Variants in MKLN1 observed in about 807,000 individuals in gnomAD.
MKLN1 encodes the protein muskelin 1, also known as muskelin.
MKLN1 carries 18 observed loss-of-function variants against 99.0 expected under a neutral mutation model. The ratio of observed to expected loss-of-function variants is 0.18; its 90% CI spans 0.13 to 0.27. The LOEUF is 0.27. MKLN1 is among the 10% of genes least tolerant of loss of function. The pLI is 1.00. For synonymous variants in MKLN1, 288 were observed against 293.2 expected, an observed-to-expected ratio of 0.98 and a Z score of 0.18; for missense variants, 621 against 875.9, an observed-to-expected ratio of 0.71 and a Z score of 3.67.
chr7:131,357,423 C>T (rs1438489726), intron 1 of MKLN1, among the ~76,000 whole-genome samples: 1 of 152,130 alleles, frequency 6.6e-6, no homozygotes, highest in Non-Finnish European at 1.5e-5. Context: ...CTTTTGCATA[C>T]TGTACTTTGG....
intron 3 of MKLN1, among the ~76,000 whole-genome samples, chr7:131,238,011 G>A (rs1430916926): frequency 6.6e-6 from 1 of 152,138 alleles, no homozygotes; most frequent in Non-Finnish European, 1.5e-5. Flanking sequence ...TCTGGGCATG[G>A]TGGTGGGTGC....
At chr7:131,213,116 C>T (rs1474325413) in intron 3 of MKLN1, among the ~76,000 whole-genome samples, 1 of 151,922 alleles carries the variant, frequency 6.6e-6, no homozygotes, top group Admixed American at 6.6e-5. Context: ...ATACGTGATT[C>T]CCATGCAACT....
intron 1 of MKLN1, among the ~76,000 whole-genome samples, chr7:131,348,671 A>G (rs904716378): frequency 5.3e-5 from 8 of 152,152 alleles, no homozygotes; most frequent in African/African-American, 1.9e-4. Context: ...TATTATGGGT[A>G]TGAGAGGAGA....
chr7:131,334,956 A>G (rs1799208939), intron 1 of MKLN1, among the ~76,000 whole-genome samples: 1 of 152,138 alleles, frequency 6.6e-6, no homozygotes, highest in Admixed American at 6.6e-5. Flanking sequence ...AAATTTATAA[A>G]ATTTCTAGGT....
At chr7:131,124,605 T>C (rs1023722545) in intron 1 of MKLN1, among the ~76,000 whole-genome samples, 3 of 152,184 alleles carry the variant, frequency 2.0e-5, no homozygotes, top group African/African-American at 7.2e-5. Flanking sequence ...CAGACATCTG[T>C]AGCTCCCTCC....
chr7:131,390,389 C>A (rs1340853072), intron 4 of MKLN1, among the ~76,000 whole-genome samples: 5 of 152,182 alleles, frequency 3.3e-5, no homozygotes, highest in South Asian at 4.2e-4. Flanking sequence ...TTCCTAAAGA[C>A]CTTTGCATAG....
At chr7:131,436,574 A>G (rs903892066) in intron 9 of MKLN1, among the ~76,000 whole-genome samples, 2 of 152,186 alleles carry the variant, frequency 1.3e-5, no homozygotes, top group Non-Finnish European at 2.9e-5. Flanking sequence ...TAGTTTTGTG[A>G]CGGTGGACTC....
intron 12 of MKLN1, among the ~76,000 whole-genome samples, chr7:131,448,256 A>C (rs1171232888): frequency 6.6e-6 from 1 of 152,170 alleles, no homozygotes; most frequent in South Asian, 2.1e-4. Context: ...GCAATGCGTG[A>C]TAGTGACAGA....
Position 131,327,988 on chromosome 7 carries a change from A to G in MKLN1, c.89A>G (p.Tyr30Cys), listed in dbSNP as rs1174005623. Residue 30 changes from tyrosine (Y) to cysteine (C), a missense_variant, in exon 1 of 18, where the codon TAC becomes TGC. Physicochemically the swap from Tyr to Cys is radical, Grantham distance 194. Coordinates refer to ENST00000352689, the MANE Select transcript of MKLN1 (RefSeq NM_013255.5). ...LHKWSSFSST[Y>C]LPENILVDKP... ...AAGTGGAGCTCCTTTTCCTCCACCT[A>G]CCTTCCCGAGTAAGTGCCGGGCCTT... The G allele has an allele frequency of 1.9e-6, 3 of 1,613,542 alleles. No homozygotes were observed. The highest frequency in any genetic ancestry group is 2.2e-5 in the East Asian group (1 of 44,848).
At chr7:131,198,338 G>A (rs1227753849) in intron 2 of MKLN1, among the ~76,000 whole-genome samples, 3 of 152,162 alleles carry the variant, frequency 2.0e-5, no homozygotes, top group Non-Finnish European at 2.9e-5. Context: ...GACACATGTC[G>A]TCAGGACCTC....
At chr7:131,227,236 C>T (rs1797160963) in intron 3 of MKLN1, among the ~76,000 whole-genome samples, 1 of 152,182 alleles carries the variant, frequency 6.6e-6, no homozygotes, top group Non-Finnish European at 1.5e-5. Context: ...ATGAAACCTT[C>T]CTTGCCTCTG....
chr7:131,117,871 A>G (rs1795302761), intron 1 of MKLN1, among the ~76,000 whole-genome samples: 1 of 152,222 alleles, frequency 6.6e-6, no homozygotes, highest in Non-Finnish European at 1.5e-5. Context: ...AGACATTGTC[A>G]TAGTTGACTT....
At chr7:131,244,980 A>G (rs1377162386) in intron 3 of MKLN1, among the ~76,000 whole-genome samples, 1 of 152,096 alleles carries the variant, frequency 6.6e-6, no homozygotes, top group East Asian at 1.9e-4. Flanking sequence ...TTGATTTTAC[A>G]TCCCAATGCT....
chr7:131,252,398 G>A (rs949879693), intron 3 of MKLN1, among the ~76,000 whole-genome samples: 4 of 137,932 alleles, frequency 2.9e-5, no homozygotes, highest in African/African-American at 5.4e-5. Context: ...GCATGATCTC[G>A]GCTCACTGCA....
rs796102760 is a variant in MKLN1, at chr7:131,173,968, C to CTTTTTTTTTTTTT, written c.-296-28884_-296-28883insTTTTTTTTTTTTT. ...TTCTCCAGAGTTTAAAGACCTTTTT[C>CTTTTTTTTTTTTT]TTTTTCTTTTTTTTTTTTTTTTGAG... On this transcript the variant is annotated intron_variant, in intron 2 of 7. Transcript: ENST00000416992. Among the ~76,000 whole-genome samples, 17 of 118,650 alleles carry CTTTTTTTTTTTTT rather than the reference C, an allele frequency of 1.4e-4. 1 individual carries two copies. The highest frequency in any genetic ancestry group is 4.6e-4 in the African/African-American group (15 of 32,838). 77.8% of individuals were successfully genotyped at this position (118,650 alleles called of 152,430 possible).
At chr7:131,392,763 G>GC (rs1794237365) in intron 4 of MKLN1, among the ~76,000 whole-genome samples, 1 of 151,998 alleles carries the variant, frequency 6.6e-6, no homozygotes, top group South Asian at 2.1e-4. Context: ...GCGCCACCAT[G>GC]CCCGGCTAAT....
At chr7:131,278,042 T>G (rs1797999409) in intron 3 of MKLN1, among the ~76,000 whole-genome samples, 1 of 152,080 alleles carries the variant, frequency 6.6e-6, no homozygotes, top group South Asian at 2.1e-4. Flanking sequence ...CTTTATTTTA[T>G]TTTATTTATT....
chr7:131,365,429 GT>G (rs369399012), intron 1 of MKLN1, among the ~76,000 whole-genome samples: 88 of 152,252 alleles, frequency 5.8e-4, no homozygotes, highest in Middle Eastern at 3.4e-3. Context: ...TTCTTTTGCT[GT>G]GCAGAAGCTC....
chr7:131,114,793 C>T (rs184386501), intron 1 of MKLN1, among the ~76,000 whole-genome samples: 38 of 152,048 alleles, frequency 2.5e-4, no homozygotes, highest in Middle Eastern at 3.4e-3. Flanking sequence ...TAAAATTAGC[C>T]GGGTGTAGTG....
Sources: gnomAD v4.1 joint callset for allele counts (sites outside exome capture counted in the v4.1 genomes callset) on GRCh38, gnomAD v4.1.1 for gene constraint, MANE v1.5 for transcripts, NCBI Gene and HGNC (gene_info 2026-07-23, HGNC 2026-07-21) for gene names.